The following KCNJ6 variants were observed in gnomAD, a reference collection of about 807,000 sequenced individuals.
KCNJ6 encodes G protein-activated inward rectifier potassium channel 2.
In KCNJ6, 9 loss-of-function variants were observed where a neutral mutation model predicts 34.2. The observed-to-expected ratio is 0.26, with a 90% confidence interval of 0.16 to 0.46. KCNJ6 has a LOEUF of 0.46. Among genes scored for constraint, KCNJ6 ranks in the 20% least tolerant of loss-of-function variants. The probability of loss-of-function intolerance (pLI) is 1.00; values close to 1 mark genes in which losing one functional copy is unlikely to be tolerated. For missense variants in KCNJ6, 236 were observed against 531.3 expected (o/e 0.44, Z 5.46); for synonymous variants, 196 against 207.1 (o/e 0.95, Z 0.46).
At chr21:37,893,234 G>A (rs1489903274) in intron 1 of KCNJ6, among the ~76,000 whole-genome samples, 1 of 151,576 alleles carries the variant, frequency 6.6e-6, no homozygotes, top group Non-Finnish European at 1.5e-5. Flanking sequence ...TGGAGATGGA[G>A]TCTCACGCCA....
At chr21:37,646,136 T>C (rs1016190976) in intron 3 of KCNJ6, among the ~76,000 whole-genome samples, 2 of 152,212 alleles carry the variant, frequency 1.3e-5, no homozygotes, top group African/African-American at 4.8e-5. Flanking sequence ...GAAGTATTTA[T>C]TTCAAGTGTA....
rs560627698 is a variant in KCNJ6, at chr21:37,723,119, C to A, written c.26-7988G>T. 1.4e-3 allele frequency among the ~76,000 whole-genome samples: 206 copies of A among 152,176 alleles called. 1 individual carries two copies. The highest frequency in any genetic ancestry group is 4.6e-3 in the African/African-American group (189 of 41,532). On this transcript the variant is annotated intron_variant, in intron 2 of 3. Coordinates refer to ENST00000609713, the MANE Select transcript of KCNJ6 (RefSeq NM_002240.5). ...ACCCCATTAACAAGTGGGCAACAGA[C>A]ATAAACAGACTTCTCAAAAGAAGAC...
At chr21:37,703,908 C>A (rs965094772) in intron 3 of KCNJ6, among the ~76,000 whole-genome samples, 9 of 152,360 alleles carry the variant, frequency 5.9e-5, no homozygotes, top group Admixed American at 3.9e-4. Context: ...GAGGCTTTTG[C>A]TAATTCATCC....
intron 1 of KCNJ6, among the ~76,000 whole-genome samples, chr21:37,902,656 A>G (rs988608881): frequency 2.6e-5 from 4 of 152,184 alleles, no homozygotes; most frequent in Non-Finnish European, 2.9e-5. Context: ...TCGTTGGCAA[A>G]GAAGTTTGCA....
chr21:37,643,071 G>T (rs967542267), intron 3 of KCNJ6, among the ~76,000 whole-genome samples: 8 of 152,132 alleles, frequency 5.3e-5, no homozygotes, highest in African/African-American at 1.9e-4. Flanking sequence ...TGGTGGGGGG[G>T]ACAGCTTAAC....
rs553337762 is a variant in KCNJ6, at chr21:37,914,527, C to T, written c.-28+1357G>A. Among the ~76,000 whole-genome samples, 3 of 152,358 alleles carry T rather than the reference C, an allele frequency of 2.0e-5. No individual in the cohort carries two copies. The East Asian group carries it at 5.8e-4, about 29-fold the overall frequency. On this transcript the variant is annotated intron_variant, in intron 1 of 3. Coordinates refer to ENST00000609713, the MANE Select transcript of KCNJ6 (RefSeq NM_002240.5). ...CGATGCCCTGGGACCCGCCACAGGGCACGCGGCTGGCGTATTCCTTTGCCT... is the reference window on the plus strand; with the variant it reads ...CGATGCCCTGGGACCCGCCACAGGGTACGCGGCTGGCGTATTCCTTTGCCT...
chr21:37,881,197 G>A (rs2055706018), intron 1 of KCNJ6, among the ~76,000 whole-genome samples: 1 of 152,192 alleles, frequency 6.6e-6, no homozygotes, highest in Non-Finnish European at 1.5e-5. Context: ...CCAAAGGAAG[G>A]CAGTCAGGAG....
At chr21:37,789,229 ATTGTG>A (rs1169496439) in intron 2 of KCNJ6, among the ~76,000 whole-genome samples, 2 of 152,168 alleles carry the variant, frequency 1.3e-5, no homozygotes, top group East Asian at 3.8e-4. Flanking sequence ...TATGGAGTGA[ATTGTG>A]TTCCCCCACA....
chr21:37,847,269 T>C lies in KCNJ6; in HGVS notation c.-27-6560A>G, dbSNP rs556305284. 1.7e-3 allele frequency among the ~76,000 whole-genome samples: 257 copies of C among 152,304 alleles called. 2 individuals are homozygous for C. The highest frequency in any genetic ancestry group is 1.6e-3 in the Non-Finnish European group (108 of 68,018). ...TAATTCTCACAAGGACCCTGTGAAA[T>C]GGTACTGTCTTCTCTACTTTGAGGA... On this transcript the variant is annotated intron_variant, in intron 1 of 3. Transcript: ENST00000609713.
At chr21:37,674,776 G>A (rs1039580696) in intron 3 of KCNJ6, among the ~76,000 whole-genome samples, 1 of 151,876 alleles carries the variant, frequency 6.6e-6, no homozygotes, top group African/African-American at 2.4e-5. Context: ...TTACTTTCTG[G>A]TTTAGTCTTT....
chr21:37,720,702 CT>C (rs3061017), intron 2 of KCNJ6, among the ~76,000 whole-genome samples: 70,572 of 129,178 alleles, frequency 0.55, 18,201 homozygotes, highest in East Asian at 0.74. Flanking sequence ...ATTTTCTTTT[CT>C]TTTTTTTTTT....
intron 3 of KCNJ6, among the ~76,000 whole-genome samples, chr21:37,652,540 A>G (rs1339161348): frequency 1.3e-5 from 2 of 152,316 alleles, no homozygotes; most frequent in East Asian, 3.9e-4. Flanking sequence ...ACACAATTAC[A>G]TACAAAGAAT....
At chr21:37,864,887 T>G (rs1333382595) in intron 1 of KCNJ6, among the ~76,000 whole-genome samples, 1 of 151,462 alleles carries the variant, frequency 6.6e-6, no homozygotes, top group Non-Finnish European at 1.5e-5. Flanking sequence ...TTTTTTTTTT[T>G]TGAGACTGGG....
At position 37,731,100 on chromosome 21, in the gene KCNJ6, A is replaced by AT. The variant is rs1556026750; in HGVS notation, c.26-15970_26-15969insA. On this transcript the variant is annotated intron_variant, in intron 2 of 3. Transcript: ENST00000609713. Reference sequence around the variant, plus strand: ...TCTGCCATTGCAGATAGATGAGAGAAGTGTGTGTGTGTGTGTGTGTGTGTG... The same window carrying AT: ...TCTGCCATTGCAGATAGATGAGAGAATGTGTGTGTGTGTGTGTGTGTGTGTG... Among the ~76,000 whole-genome samples, 352 of 134,778 alleles carry AT rather than the reference A, an allele frequency of 2.6e-3. 5 individuals are homozygous for AT. Among genetic ancestry groups the AT allele is most frequent in the South Asian group, 0.018 (76 of 4,278 alleles). 88.4% of individuals were successfully genotyped at this position (134,778 alleles called of 152,430 possible). A position where few individuals can be genotyped will look rare whatever the true frequency, so the allele number is the denominator to read the frequency against.
intron 1 of KCNJ6, among the ~76,000 whole-genome samples, chr21:37,895,624 A>G (rs1217101232): frequency 2.0e-5 from 3 of 152,196 alleles, no homozygotes; most frequent in African/African-American, 7.2e-5. Context: ...TGAAAGAGGC[A>G]GACTTTCCCA....
At chr21:37,814,580 C>G (rs896095673) in intron 2 of KCNJ6, among the ~76,000 whole-genome samples, 2 of 152,104 alleles carry the variant, frequency 1.3e-5, no homozygotes, top group Non-Finnish European at 1.5e-5. Flanking sequence ...TATACGTACA[C>G]AATGGAATAC....
chr21:37,639,476 A>T (rs980073732), intron 3 of KCNJ6, among the ~76,000 whole-genome samples: 4 of 152,194 alleles, frequency 2.6e-5, no homozygotes, highest in African/African-American at 9.7e-5. Flanking sequence ...TTGCATAAAC[A>T]GTTAGGTTCC....
At position 37,617,053 on chromosome 21, in the gene KCNJ6, T is replaced by TTTCTTTCTTTCTTTCTTTC. The variant is rs201226798; in HGVS notation, c.*8105_*8106insGAAAGAAAGAAAGAAAGAA. On this transcript the variant is annotated 3_prime_UTR_variant, in exon 4 of 4. Coordinates refer to ENST00000609713, the MANE Select transcript of KCNJ6 (RefSeq NM_002240.5). ...CTTTCTTTCTTTCTTTCTTTCTTTC[T>TTTCTTTCTTTCTTTCTTTC]TTTCTTTTCTTTTCTTTTCTTTTCT... 9.2e-4 allele frequency: 50 copies of TTTCTTTCTTTCTTTCTTTC among 54,152 alleles called. No homozygotes were observed. The highest frequency in any genetic ancestry group is 2.0e-3 in the Admixed American group (10 of 4,880). 3.4% of individuals were successfully genotyped at this position (54,152 alleles called of 1,614,324 possible). A position where few individuals can be genotyped will look rare whatever the true frequency, so the allele number is the denominator to read the frequency against.
At chr21:37,666,913 G>A (rs529017752) in intron 3 of KCNJ6, among the ~76,000 whole-genome samples, 4 of 150,952 alleles carry the variant, frequency 2.6e-5, no homozygotes, top group Admixed American at 6.6e-5. Context: ...GATTAAGGGC[G>A]GTGCAAGATG....
Sources: gnomAD v4.1 joint callset for allele counts (sites outside exome capture counted in the v4.1 genomes callset) on GRCh38, gnomAD v4.1.1 for gene constraint, MANE v1.5 for transcripts, NCBI Gene and HGNC (gene_info 2026-07-23, HGNC 2026-07-21) for gene names.